The following TOLLIP variants were observed in gnomAD, a reference collection of about 807,000 sequenced individuals.
The protein encoded by TOLLIP is toll-interacting protein.
A neutral mutation model predicts 33.5 loss-of-function variants in TOLLIP; 16 were observed. That is an observed-to-expected ratio of 0.48 (90% CI 0.32 to 0.72). The LOEUF is 0.72. TOLLIP is among the 30% of genes least tolerant of loss of function. The probability of loss-of-function intolerance (pLI) is 0.03; values close to 1 mark genes in which losing one functional copy is unlikely to be tolerated. For missense variants in TOLLIP, 325 were observed against 396.6 expected, an observed-to-expected ratio of 0.82 and a Z score of 1.53; for synonymous variants, 176 against 163.7, an observed-to-expected ratio of 1.07 and a Z score of -0.57.
chr11:1,277,009 C>CG lies in TOLLIP; in HGVS notation c.*29dup. The CG allele has an allele frequency of 6.2e-7, 1 of 1,604,578 alleles. No individual in the cohort carries two copies. The highest frequency in any genetic ancestry group is 2.2e-5 in the East Asian group (1 of 44,650). On this transcript the variant is annotated 3_prime_UTR_variant, in exon 6 of 6. Coordinates refer to ENST00000317204, the MANE Select transcript of TOLLIP (RefSeq NM_019009.4). The surrounding 1 kb of genome is among the most constrained non-coding windows in gnomAD (Gnocchi z 4.2). The stretch of plus-strand genomic sequence containing the variant: ...GCGCCGGGTCGGCGTGTCCAAAGAG[C>CG]GGGGGCAAAACGGCATCGAGGCAGA...
At chr11:1,299,407 G>A (rs1024312157) in intron 1 of TOLLIP, among the ~76,000 whole-genome samples, 5 of 152,192 alleles carry the variant, frequency 3.3e-5, no homozygotes, top group African/African-American at 1.2e-4. Context: ...TGCTTCACGA[G>A]TCACAGGGGA....
In TOLLIP at chr11:1,290,154, T is replaced by C; in HGVS notation, c.366+73A>G. The C allele has an allele frequency of 6.6e-7, 1 of 1,513,588 alleles. No individual in the cohort carries two copies. Among genetic ancestry groups the C allele is most frequent in the South Asian group, 1.2e-5 (1 of 82,836 alleles). 93.8% of individuals were successfully genotyped at this position (1,513,588 alleles called of 1,614,324 possible). A position where few individuals can be genotyped will look rare whatever the true frequency, so the allele number is the denominator to read the frequency against. On this transcript the variant is annotated intron_variant, in intron 3 of 5. Coordinates refer to ENST00000317204, the MANE Select transcript of TOLLIP (RefSeq NM_019009.4). This position sits in a 1 kb window ranked among gnomAD's most constrained non-coding sequence, Gnocchi z 4.9. ...AAGCCAGCCAGGAACGTGGCTGTGTTGGCAGGTGTGTCCCCACGGCAGCCA... is the reference window on the plus strand; with the variant it reads ...AAGCCAGCCAGGAACGTGGCTGTGTCGGCAGGTGTGTCCCCACGGCAGCCA...
At chr11:1,288,382 C>T (rs1369880908) in intron 4 of TOLLIP, among the ~76,000 whole-genome samples, 1 of 152,236 alleles carries the variant, frequency 6.6e-6, no homozygotes, top group Non-Finnish European at 1.5e-5. Flanking sequence ...ATCTTAGGAA[C>T]ACAAACAACC....
At position 1,280,566 on chromosome 11, in the gene TOLLIP, G is replaced by A. The variant is rs537329822; in HGVS notation, c.611-3313C>T. On this transcript the variant is annotated intron_variant, in intron 5 of 5. Coordinates refer to ENST00000317204, the MANE Select transcript of TOLLIP (RefSeq NM_019009.4). Reference sequence around the variant, plus strand: ...AGGCCCGTGTGAAATGGAGGTGCACGAGGGAACAGATGGAAACAGCGTCAA... The same window carrying A: ...AGGCCCGTGTGAAATGGAGGTGCACAAGGGAACAGATGGAAACAGCGTCAA... 6.6e-5 allele frequency among the ~76,000 whole-genome samples: 10 copies of A among 152,206 alleles called. 1 individual carries two copies. In the South Asian group the frequency reaches 1.9e-3, roughly 28 times the overall value.
chr11:1,277,689 G>A lies in TOLLIP; in HGVS notation c.611-436C>T, dbSNP rs112842927. Among the ~76,000 whole-genome samples, 196 of 152,306 alleles carry A rather than the reference G, an allele frequency of 1.3e-3. 4 individuals are homozygous for A. Among genetic ancestry groups the A allele is most frequent in the African/African-American group, 4.6e-3 (190 of 41,554 alleles). On this transcript the variant is annotated intron_variant, in intron 5 of 5. Coordinates refer to ENST00000317204, the MANE Select transcript of TOLLIP (RefSeq NM_019009.4). The surrounding 1 kb of genome is among the most constrained non-coding windows in gnomAD (Gnocchi z 4.2). Reference sequence around the variant, plus strand: ...ACGGACTACACGGAATGTCACGCCCGCTGATCCAAACACTGCACGGTCTGA... The same window carrying A: ...ACGGACTACACGGAATGTCACGCCCACTGATCCAAACACTGCACGGTCTGA...
At chr11:1,295,441 T>C in intron 2 of TOLLIP, 1 of 581,296 alleles carries the variant, frequency 1.7e-6, no homozygotes, top group South Asian at 3.1e-5. Flanking sequence ...TACTCATCAC[T>C]TGAGTTATGT....
At position 1,295,572 on chromosome 11, in the gene TOLLIP, C is replaced by T. The variant is rs142658126; in HGVS notation, c.183+73G>A. On this transcript the variant is annotated intron_variant, in intron 2 of 5. Transcript: ENST00000317204. ...GCCCGCTTAGGAAATGCAGTATAAA[C>T]GCCGAAATCCGAAATCCCACCCCCA... The T allele has an allele frequency of 4.4e-4, 627 of 1,429,128 alleles. 7 individuals are homozygous for T. The African/African-American group carries it at 7.9e-3, about 18-fold the overall frequency. The allele number at this position is 1,429,128 out of a possible 1,614,324, so 88.5% of individuals were successfully genotyped here. A position where few individuals can be genotyped will look rare whatever the true frequency, so the allele number is the denominator to read the frequency against.
Position 1,277,206 on chromosome 11 carries a change from G to A in TOLLIP, c.658C>T (p.Pro220Ser). The change falls in exon 6 of 6, where the codon CCG (proline) becomes TCG (serine). Residue 220 changes from proline to serine, a missense_variant. Coordinates refer to ENST00000317204, the MANE Select transcript of TOLLIP (RefSeq NM_019009.4). This position sits in a 1 kb window ranked among gnomAD's most constrained non-coding sequence, Gnocchi z 4.2. ...SPGMVPVALPPAAVNAQPRCS... is the reference protein window; with the variant it reads ...SPGMVPVALPSAAVNAQPRCS... Reference sequence around the variant, plus strand: ...CGGGGCTGGGCGTTCACGGCGGCCGGGGGCAGGGCCACGGGCACCATGCCG... The same window carrying A: ...CGGGGCTGGGCGTTCACGGCGGCCGAGGGCAGGGCCACGGGCACCATGCCG... The A allele has an allele frequency of 6.3e-7, 1 of 1,595,316 alleles. No individual in the cohort carries two copies.
Position 1,309,472 on chromosome 11 carries a change from G to A in TOLLIP, c.27C>T (p.Arg9=). 1 of 1,332,324 alleles carries A rather than the reference G, an allele frequency of 7.5e-7. No individual in the cohort carries two copies. Among genetic ancestry groups the A allele is most frequent in the Non-Finnish European group, 9.7e-7 (1 of 1,035,724 alleles). 82.5% of individuals were successfully genotyped at this position (1,332,324 alleles called of 1,614,324 possible). Residue 9 remains arginine, a synonymous_variant, in exon 1 of 6, where the codon CGC becomes CGT. Transcript: ENST00000317204. MATTVSTQ[R]GPVYIGELPQ... ...CCTCGCCCGGCTGCCTCACCGGCCC[G>A]CGCTGAGTGCTGACGGTGGTCGCCA...
chr11:1,280,477 G>A lies in TOLLIP; in HGVS notation c.611-3224C>T, dbSNP rs5744001. The stretch of plus-strand genomic sequence containing the variant: ...GTTGTGCCCACAGAGACGCAGGCCA[G>A]GATGACGGGAGGGACTGCGCCGGTG... On this transcript the variant is annotated intron_variant, in intron 5 of 5. Transcript: ENST00000317204. Among the ~76,000 whole-genome samples the A allele has an allele frequency of 2.6e-3, 400 of 152,242 alleles. 1 individual carries two copies. The highest frequency in any genetic ancestry group is 9.4e-3 in the African/African-American group (391 of 41,536).
chr11:1,282,217 A>G (rs1381738855), intron 5 of TOLLIP, among the ~76,000 whole-genome samples: 1 of 152,250 alleles, frequency 6.6e-6, no homozygotes, highest in African/African-American at 2.4e-5. Context: ...AGGGGCCCAG[A>G]GAAGGATCAG....
At chr11:1,279,408 G>A (rs533521258) in intron 5 of TOLLIP, among the ~76,000 whole-genome samples, 92 of 152,352 alleles carry the variant, frequency 6.0e-4, no homozygotes, top group Admixed American at 9.8e-4. Context: ...CAAGCCCTCC[G>A]GGAACGGTGA....
chr11:1,296,039 C>T (rs554690956), intron 1 of TOLLIP, among the ~76,000 whole-genome samples: 131 of 152,316 alleles, frequency 8.6e-4, no homozygotes, highest in Non-Finnish European at 1.4e-3. Context: ...AGGTTTCTGC[C>T]GCTAAAAATG....
At chr11:1,295,151 A>G (rs1459366821) in intron 2 of TOLLIP, among the ~76,000 whole-genome samples, 2 of 152,228 alleles carry the variant, frequency 1.3e-5, no homozygotes, top group Non-Finnish European at 2.9e-5. Context: ...TGTGATCAAA[A>G]TCGGCGTTCA....
chr11:1,278,982 G>A lies in TOLLIP; in HGVS notation c.611-1729C>T, dbSNP rs991441759. 2.0e-5 allele frequency among the ~76,000 whole-genome samples: 3 copies of A among 152,094 alleles called. No individual in the cohort carries two copies. The highest frequency in any genetic ancestry group is 6.5e-5 in the Admixed American group (1 of 15,272). ...ACAAGAGGAATGGGGCTCGGCCATC[G>A]CCTGTCCCTGCCCACACGTCTCCCC... On this transcript the variant is annotated intron_variant, in intron 5 of 5. Transcript: ENST00000317204. This position sits in a 1 kb window ranked among gnomAD's most constrained non-coding sequence, Gnocchi z 4.7.
At chr11:1,295,366 T>G in intron 2 of TOLLIP, 1 of 321,340 alleles carries the variant, frequency 3.1e-6, no homozygotes, top group Non-Finnish European at 5.6e-6. Flanking sequence ...GAGGTGTCCT[T>G]GGGCGTACTC....
chr11:1,282,818 T>G (rs1863548455), intron 5 of TOLLIP, among the ~76,000 whole-genome samples: 1 of 120,892 alleles, frequency 8.3e-6, no homozygotes, highest in Non-Finnish European at 1.7e-5. Flanking sequence ...AGGAAATTGT[T>G]TAGGAGATAT....
In TOLLIP at chr11:1,288,909, C is replaced by G. The variant is rs999825711; in HGVS notation, c.367-133G>C. The G allele has an allele frequency of 5.2e-6, 5 of 966,112 alleles. No homozygotes were observed. In the Admixed American group the frequency reaches 1.4e-4, roughly 27 times the overall value. The allele number at this position is 966,112 out of a possible 1,614,324, so 59.8% of individuals were successfully genotyped here. A position where few individuals can be genotyped will look rare whatever the true frequency, so the allele number is the denominator to read the frequency against. On this transcript the variant is annotated intron_variant, in intron 3 of 5. Transcript: ENST00000317204. Reference sequence around the variant, plus strand: ...CAGGGCTCCCACCTGCACCAACACCCCATCGATGAGACCCCTCGGGCAGCG... The same window carrying G: ...CAGGGCTCCCACCTGCACCAACACCGCATCGATGAGACCCCTCGGGCAGCG...
chr11:1,288,863 G>T, intron 3 of TOLLIP, 87 bp from the exon 4 acceptor site: 1 of 1,449,202 alleles, frequency 6.9e-7, no homozygotes, highest in Non-Finnish European at 9.4e-7. Flanking sequence ...CCCGCCTCGA[G>T]TCCCCGTCTT....
Sources: allele counts gnomAD v4.1 joint callset (sites outside exome capture counted in the v4.1 genomes callset), GRCh38; gene constraint gnomAD v4.1.1; non-coding constraint Gnocchi (gnomAD v3.1); transcripts MANE v1.5; gene names NCBI Gene and HGNC (gene_info 2026-07-23, HGNC 2026-07-21).